The following PLOD1 variants were observed in gnomAD, a reference collection of about 807,000 sequenced individuals.
The protein encoded by PLOD1 is procollagen-lysine,2-oxoglutarate 5-dioxygenase 1, also known as lysine hydroxylase.
Under a neutral mutation model 94.7 loss-of-function variants are expected in PLOD1, and 70 were observed. The ratio of observed to expected loss-of-function variants is 0.74; its 90% confidence interval spans 0.61 to 0.90. The LOEUF is 0.90. Ranked by LOEUF, PLOD1 falls within the 40% of genes least tolerant of loss-of-function variation. The probability of loss-of-function intolerance (pLI) is 0.00; values close to 1 mark genes in which losing one functional copy is unlikely to be tolerated. For missense variants in PLOD1, 905 were observed against 972.7 expected (o/e 0.93, Z 0.93); for synonymous variants, 417 against 400.2 (o/e 1.04, Z -0.50).
At chr1:11,968,471 A>T (rs963857101) in intron 16 of PLOD1, among the ~76,000 whole-genome samples, 2 of 150,906 alleles carry the variant, frequency 1.3e-5, no homozygotes, top group Non-Finnish European at 2.9e-5. Context: ...CAACATTCAT[A>T]TCTCCTATGT....
At chr1:11,945,478 TGGTCCCTTGCATGGGA>T (rs1237002730) in intron 1 of PLOD1, among the ~76,000 whole-genome samples, 65 of 151,038 alleles carry the variant, frequency 4.3e-4, no homozygotes, top group Middle Eastern at 3.5e-3. Flanking sequence ...GAGGGAGCCA[TGGTCCCTTGCATGGGA>T]GGTCCCTTGC....
rs369132980 is a variant in PLOD1, at chr1:11,950,341, G to A, written c.303-16G>A. 200 of 1,613,538 alleles carry A rather than the reference G, an allele frequency of 1.2e-4. No homozygotes were observed. Among genetic ancestry groups the A allele is most frequent in the African/African-American group, 4.8e-4 (36 of 74,890 alleles). ...CACCCTTGCCCTGCTCCGTCTTCTC[G>A]CTGCTCTGGCCACAGCTATGACGTG... On this transcript the variant is annotated splice_polypyrimidine_tract_variant and intron_variant, in intron 3 of 18. Transcript: ENST00000196061.
chr1:11,944,477 G>C, intron 1 of PLOD1: 1 of 1,275,694 alleles, frequency 7.8e-7, no homozygotes, highest in Non-Finnish European at 1.0e-6. Context: ...TCTCACGCTG[G>C]CTTTTTCCAT....
intron 10 of PLOD1, among the ~76,000 whole-genome samples, chr1:11,962,330 G>A (rs1645784299): frequency 7.4e-6 from 1 of 134,376 alleles, no homozygotes; most frequent in Admixed American, 8.1e-5. Context: ...AGGCTGGAGT[G>A]CAATGGTGCA....
At chr1:11,966,547 C>T in intron 15 of PLOD1, 1 of 552,048 alleles carries the variant, frequency 1.8e-6, no homozygotes, top group Non-Finnish European at 3.3e-6. Context: ...GGCAGGATGG[C>T]CCCTCTACCT....
In PLOD1 at chr1:11,943,770, G is replaced by A. The variant is rs114007143; in HGVS notation, c.77-4206G>A. 1.4e-3 allele frequency among the ~76,000 whole-genome samples: 218 copies of A among 152,308 alleles called. 1 individual carries two copies. Among genetic ancestry groups the A allele is most frequent in the African/African-American group, 4.7e-3 (197 of 41,566 alleles). ...CCTCTCAACAGATGGCCTGGCCACCGTCCCTGGCTGGGCAGTGCATGCATT... is the reference window on the plus strand; with the variant it reads ...CCTCTCAACAGATGGCCTGGCCACCATCCCTGGCTGGGCAGTGCATGCATT... On this transcript the variant is annotated intron_variant, in intron 1 of 18. Transcript: ENST00000196061.
chr1:11,954,410 C>G (rs1026701516), intron 5 of PLOD1: 3 of 422,586 alleles, frequency 7.1e-6, no homozygotes, highest in Non-Finnish European at 1.5e-5. Context: ...CGCTTGAACC[C>G]AGGAGGCGGA....
At chr1:11,939,294 G>T (rs1006787451) in intron 1 of PLOD1, among the ~76,000 whole-genome samples, 2 of 152,066 alleles carry the variant, frequency 1.3e-5, no homozygotes, top group African/African-American at 2.4e-5. Context: ...CACGTGCAGG[G>T]CATCCCAAGC....
At position 11,974,680 on chromosome 1, in the gene PLOD1, A is replaced by C. The variant is rs1645891151; in HGVS notation, c.2056A>C (p.Asn686His). ...EGGGCRFLRY[N>H]CSIRAPRKGW... Reference sequence around the variant, plus strand: ...CGGGGGCTGTCGGTTCCTGCGCTACAACTGTTCCATCCGAGCCCCAAGGAA... The same window carrying C: ...CGGGGGCTGTCGGTTCCTGCGCTACCACTGTTCCATCCGAGCCCCAAGGAA... Residue 686 changes from asparagine (N) to histidine (H), a missense_variant, in exon 19 of 19, where the codon AAC becomes CAC. By Grantham distance (68) the Asn-to-His change is moderately conservative. Coordinates refer to ENST00000196061, the MANE Select transcript of PLOD1 (RefSeq NM_000302.4). 1 of 1,613,770 alleles carries C rather than the reference A, an allele frequency of 6.2e-7. No individual in the cohort carries two copies. The highest frequency in any genetic ancestry group is 8.5e-7 in the Non-Finnish European group (1 of 1,179,872).
Position 11,974,784 on chromosome 1 carries a change from C to T in PLOD1, c.2160C>T (p.Ile720=), listed in dbSNP as rs140513387. 56 of 1,614,042 alleles carry T rather than the reference C, an allele frequency of 3.5e-5. 1 individual carries two copies. Among genetic ancestry groups the T allele is most frequent in the South Asian group, 3.4e-4 (31 of 91,086 alleles). Residue 720 remains isoleucine (I), a synonymous_variant, in exon 19 of 19, where the codon ATC becomes ATT. Coordinates refer to ENST00000196061, the MANE Select transcript of PLOD1 (RefSeq NM_000302.4). ...GLPTTRGTRY[I]AVSFVDP is the part of the protein sequence containing the mutation. ...CCACCACCAGGGGCACCCGCTACAT[C>T]GCAGTCTCCTTCGTCGATCCCTAAT...
At position 11,952,663 on chromosome 1, in the gene PLOD1, C is replaced by G. The variant is rs1272705215; in HGVS notation, c.507C>G (p.Ala169=). 6.2e-7 allele frequency: 1 copy of G among 1,614,042 alleles called. No individual in the cohort carries two copies. Among genetic ancestry groups the G allele is most frequent in the Non-Finnish European group, 8.5e-7 (1 of 1,179,944 alleles). ...GYAPNLSKLV[A]EWEGQDSDSD... is the part of the protein sequence containing the mutation. ...CCCCCAACCTCAGCAAACTGGTGGC[C>G]GAGTGGGAGGGCCAGGACAGCGACA... Residue 169 remains alanine, a synonymous_variant, in exon 5 of 19, where the codon GCC becomes GCG. Coordinates refer to ENST00000196061, the MANE Select transcript of PLOD1 (RefSeq NM_000302.4).
At chr1:11,935,741 C>T (rs1251074283) in intron 1 of PLOD1, among the ~76,000 whole-genome samples, 2 of 151,994 alleles carry the variant, frequency 1.3e-5, no homozygotes, top group Admixed American at 6.6e-5. Context: ...TCTCCTGCCT[C>T]GGCCTCCCAA....
At position 11,972,780 on chromosome 1, in the gene PLOD1, C is replaced by A. The variant is rs1645875476; in HGVS notation, c.1903-92C>A. On this transcript the variant is annotated intron_variant, in intron 17 of 18. Transcript: ENST00000196061. This position sits in a 1 kb window ranked among gnomAD's most constrained non-coding sequence, Gnocchi z 4.6. ...CCCCTGTAAGCTGACCTGCAGCAGG[C>A]CAGACCAGGCCCCATGTGTGCACCC... The A allele has an allele frequency of 6.9e-7, 1 of 1,455,932 alleles. No individual in the cohort carries two copies. Among genetic ancestry groups the A allele is most frequent in the South Asian group, 1.1e-5 (1 of 87,310 alleles). 90.2% of individuals were successfully genotyped at this position (1,455,932 alleles called of 1,614,324 possible). A position where few individuals can be genotyped will look rare whatever the true frequency, so the allele number is the denominator to read the frequency against.
chr1:11,939,488 G>T (rs1169955733), intron 1 of PLOD1, among the ~76,000 whole-genome samples: 1 of 152,154 alleles, frequency 6.6e-6, no homozygotes, highest in Non-Finnish European at 1.5e-5. Context: ...GGACTGCTTG[G>T]GGAGGAGGGG....
chr1:11,961,842 G>A (rs1031468746), intron 10 of PLOD1, among the ~76,000 whole-genome samples: 3 of 152,160 alleles, frequency 2.0e-5, no homozygotes, highest in South Asian at 2.1e-4. Context: ...AGGCTGGAGC[G>A]CAGTGGCGCG....
rs77325770 is a variant in PLOD1 at position 11,950,242 on chromosome 1, G to A, written c.303-115G>A. 1,048 of 1,023,278 alleles carry A rather than the reference G, an allele frequency of 1.0e-3. 4 individuals carry two copies. The African/African-American group carries it at 0.015, about 15-fold the overall frequency. The allele number at this position is 1,023,278 out of a possible 1,614,324, so 63.4% of individuals were successfully genotyped here. A position where few individuals can be genotyped will look rare whatever the true frequency, so the allele number is the denominator to read the frequency against. ...ATTTCCCAGATGGTGGCCCAGGCTGGCGTGGGCAGAGGGCCATTTGTGGAG... is the reference window on the plus strand; with the variant it reads ...ATTTCCCAGATGGTGGCCCAGGCTGACGTGGGCAGAGGGCCATTTGTGGAG... On this transcript the variant is annotated intron_variant, in intron 3 of 18. Coordinates refer to ENST00000196061, the MANE Select transcript of PLOD1 (RefSeq NM_000302.4).
At chr1:11,969,900 G>T (rs1211447916) in intron 16 of PLOD1, among the ~76,000 whole-genome samples, 3 of 150,984 alleles carry the variant, frequency 2.0e-5, no homozygotes. Context: ...TGAGTCCAGG[G>T]GTTTAAGACC....
At chr1:11,959,618 AT>A (rs796969636) in intron 9 of PLOD1, among the ~76,000 whole-genome samples, 3,766 of 93,060 alleles carry the variant, frequency 0.04, 89 homozygotes, top group African/African-American at 0.092. Context: ...AATTTTTTGT[AT>A]TTTTTTTTTT....
intron 9 of PLOD1, among the ~76,000 whole-genome samples, chr1:11,959,545 C>T (rs1481592801): frequency 4.0e-5 from 6 of 150,806 alleles, no homozygotes; most frequent in South Asian, 4.2e-4. Context: ...TGGGTTCAAG[C>T]GATTCTCCTG....
Sources: gnomAD v4.1 joint callset for allele counts (sites outside exome capture counted in the v4.1 genomes callset) on GRCh38, gnomAD v4.1.1 for gene constraint, Gnocchi (gnomAD v3.1) non-coding constraint, MANE v1.5 for transcripts, NCBI Gene and HGNC (gene_info 2026-07-23, HGNC 2026-07-21) for gene names.